Variants in CTNND1 observed in about 807,000 individuals in gnomAD.
The protein encoded by CTNND1 is catenin delta-1.
CTNND1 carries 16 observed loss-of-function variants against 112.1 expected under a neutral mutation model. That is an observed-to-expected ratio of 0.14 (90% CI 0.10 to 0.22). CTNND1 has a LOEUF of 0.22. CTNND1 is among the 10% of genes least tolerant of loss of function. The pLI, the probability that CTNND1 is intolerant of heterozygous loss-of-function variation, is 1.00. For synonymous variants in CTNND1, 420 were observed against 446.5 expected (o/e 0.94, Z 0.75); for missense variants, 1,008 against 1,257.0 (o/e 0.80, Z 3.00).
chr11:57,793,411 A>G (rs555935387), intron 3 of CTNND1, among the ~76,000 whole-genome samples: 58 of 152,214 alleles, frequency 3.8e-4, no homozygotes, highest in Non-Finnish European at 1.3e-4. Flanking sequence ...TTGTTTTTGT[A>G]CTTGGAAAGG....
chr11:57,805,975 A>T lies in CTNND1; in HGVS notation c.1816A>T (p.Asn606Tyr). 1 of 1,612,940 alleles carries T rather than the reference A, an allele frequency of 6.2e-7. No individual in the cohort carries two copies. Among genetic ancestry groups the T allele is most frequent in the Non-Finnish European group, 8.5e-7 (1 of 1,179,416 alleles). Reference protein sequence around the residue: ...QAERYQEAAPNVANNTGPHAA... With the variant: ...QAERYQEAAPYVANNTGPHAA... ...AGAGCGTTACCAAGAGGCAGCTCCCAATGTTGCCAACAATACTGGGCCACA... is the reference window on the plus strand; with the variant it reads ...AGAGCGTTACCAAGAGGCAGCTCCCTATGTTGCCAACAATACTGGGCCACA... Residue 606 changes from asparagine to tyrosine, a missense_variant, in exon 10 of 21, where the codon AAT (asparagine) becomes TAT (tyrosine). Asn to Tyr is a moderately radical substitution (Grantham distance 143). Coordinates refer to ENST00000399050, the MANE Select transcript of CTNND1 (RefSeq NM_001085458.2).
At position 57,789,109 on chromosome 11, in the gene CTNND1, G is replaced by T. The variant is rs1187422003; in HGVS notation, c.-141G>T. On this transcript the variant is annotated 5_prime_UTR_variant, in exon 2 of 21. Coordinates refer to ENST00000399050, the MANE Select transcript of CTNND1 (RefSeq NM_001085458.2). ...TCCATGATTTTTTGAATCTAGACTG[G>T]GCTGTTCTCTGTGTTAAACCAATCA... 2 of 1,535,492 alleles carry T rather than the reference G, an allele frequency of 1.3e-6. No homozygotes were observed. Among genetic ancestry groups the T allele is most frequent in the Non-Finnish European group, 1.7e-6 (2 of 1,146,882 alleles).
Position 57,815,396 on chromosome 11 carries a change from A to G in CTNND1, c.2704A>G (p.Asn902Asp), listed in dbSNP as rs1234734809. ...TGTACTTTTTTTTTTTTAACCAGAT[A>G]ACAACTATTCCACACCAAATGAGAG... ...NMGSNTKSLD[N>D]NYSTPNERGD... Residue 902 changes from asparagine to aspartate, a missense_variant and splice_region_variant, in exon 19 of 21, where the codon AAC (asparagine) becomes GAC (aspartate). Around this residue, in one of 5 missense-constraint regions of CTNND1, gnomAD observed 106 missense variants for 116.2 expected, o/e 0.91. Transcript: ENST00000399050. The G allele has an allele frequency of 1.3e-6, 2 of 1,574,740 alleles. No homozygotes were observed. The highest frequency in any genetic ancestry group is 4.5e-5 in the East Asian group (2 of 44,486).
At chr11:57,801,650 T>C (rs1162969368) in intron 6 of CTNND1, 83 bp from the exon 7 acceptor site, 37 of 1,118,454 alleles carry the variant, frequency 3.3e-5, no homozygotes, top group Non-Finnish European at 4.8e-5. Context: ...TAATCCTCCT[T>C]TGCAGATGAG....
chr11:57,780,412 C>G (rs964679256), intron 1 of CTNND1, among the ~76,000 whole-genome samples: 1 of 152,092 alleles, frequency 6.6e-6, no homozygotes. Context: ...TCCACTTTAT[C>G]AAGAAGGAGC....
At chr11:57,806,748 T>G (rs1376640368) in intron 11 of CTNND1, 167 bp from the exon 12 acceptor site, 1 of 647,956 alleles carries the variant, frequency 1.5e-6, no homozygotes, top group African/African-American at 1.8e-5. Flanking sequence ...CTATCCTTGT[T>G]TCTGAATAGT....
intron 1 of CTNND1, among the ~76,000 whole-genome samples, chr11:57,775,956 C>T (rs1041036692): frequency 6.6e-6 from 1 of 152,136 alleles, no homozygotes; most frequent in African/African-American, 2.4e-5. Flanking sequence ...TTATATACAC[C>T]TCCCTTGTAT....
intron 1 of CTNND1, among the ~76,000 whole-genome samples, chr11:57,782,148 G>A (rs1021892451): frequency 2.6e-5 from 4 of 152,036 alleles, no homozygotes; most frequent in African/African-American, 9.7e-5. Context: ...GAGGTTGCCA[G>A]CTCAAATTCC....
intron 6 of CTNND1, among the ~76,000 whole-genome samples, chr11:57,799,450 C>A (rs1220818568): frequency 6.6e-6 from 1 of 152,160 alleles, no homozygotes; most frequent in Non-Finnish European, 1.5e-5. Context: ...GACTTGGAAA[C>A]CTGCTTGACT....
intron 7 of CTNND1, 143 bp from the exon 8 acceptor site, chr11:57,803,478 G>A: frequency 3.8e-6 from 2 of 528,446 alleles, no homozygotes; most frequent in South Asian, 3.5e-5. Flanking sequence ...GGTGAGGGTC[G>A]CAAACAAAGC....
chr11:57,768,945 C>T (rs538655093), intron 1 of CTNND1, among the ~76,000 whole-genome samples: 13 of 152,032 alleles, frequency 8.6e-5, no homozygotes, highest in Non-Finnish European at 1.9e-4. Context: ...ACCCATGAAA[C>T]TAGTGTTCTA....
chr11:57,803,756 G>T lies in CTNND1; in HGVS notation c.1556G>T (p.Arg519Leu). 1 of 1,612,432 alleles carries T rather than the reference G, an allele frequency of 6.2e-7. No homozygotes were observed. The highest frequency in any genetic ancestry group is 8.5e-7 in the Non-Finnish European group (1 of 1,179,202). ...GAACCTAATGAAGACTGTAAGCCAC[G>T]CCACATTGAGTGGGAATCGGTGCTC... ...EREPNEDCKP[R>L]HIEWESVLTN... The change falls in exon 8 of 21, where the codon CGC becomes CTC. Residue 519 changes from arginine to leucine, a missense_variant. Coordinates refer to ENST00000399050, the MANE Select transcript of CTNND1 (RefSeq NM_001085458.2).
Position 57,802,180 on chromosome 11 carries a change from T to A in CTNND1, c.1404T>A (p.Leu468=). The A allele has an allele frequency of 6.2e-7, 1 of 1,611,536 alleles. No individual in the cohort carries two copies. The highest frequency in any genetic ancestry group is 1.1e-5 in the South Asian group (1 of 90,824). The change falls in exon 7 of 21, where the codon CTT becomes CTA. Residue 468 remains leucine (L), a synonymous_variant. Coordinates refer to ENST00000399050, the MANE Select transcript of CTNND1 (RefSeq NM_001085458.2). ...RLLRKARDMD[L]TEVITGTLWN... ...TTCGAAAGGCTCGTGATATGGACCT[T>A]ACTGAAGTTATTACCGGTGAGTTCT... is the stretch of plus-strand genomic sequence containing the variant.
At position 57,773,713 on chromosome 11, in the gene CTNND1, G is replaced by T. The variant is rs990509332; in HGVS notation, c.-214+11594G>T. On this transcript the variant is annotated intron_variant, in intron 1 of 20. Transcript: ENST00000399050. ...GCACTTTGGGAAGCTGAGGTGGGCG[G>T]ATCGCTTGAGGTCAGGAGTTAGAGA... Among the ~76,000 whole-genome samples the T allele has an allele frequency of 4.0e-4, 60 of 151,478 alleles. No homozygotes were observed. In the East Asian group the frequency reaches 5.2e-3, roughly 13 times the overall value.
chr11:57,812,808 G>C lies in CTNND1; in HGVS notation c.2638+1322G>C, dbSNP rs187583625. On this transcript the variant is annotated intron_variant, in intron 17 of 20. Coordinates refer to ENST00000399050, the MANE Select transcript of CTNND1 (RefSeq NM_001085458.2). Reference sequence around the variant, plus strand: ...TTACATCCGGCGCTCAGCCACACTAGCCACTTTGTTTAATGGAACACTGTT... The same window carrying C: ...TTACATCCGGCGCTCAGCCACACTACCCACTTTGTTTAATGGAACACTGTT... Among the ~76,000 whole-genome samples, 80 of 152,262 alleles carry C rather than the reference G, an allele frequency of 5.3e-4. No homozygotes were observed. The East Asian group carries it at 0.012, about 22-fold the overall frequency.
At chr11:57,763,610 AAAAG>A (rs1351505636) in intron 1 of CTNND1, among the ~76,000 whole-genome samples, 1 of 152,272 alleles carries the variant, frequency 6.6e-6, no homozygotes, top group Non-Finnish European at 1.5e-5. Flanking sequence ...AGTACAGTTA[AAAAG>A]AAAGAAAAAA....
At chr11:57,782,324 C>T (rs1454207407) in intron 1 of CTNND1, among the ~76,000 whole-genome samples, 1 of 152,092 alleles carries the variant, frequency 6.6e-6, no homozygotes, top group East Asian at 1.9e-4. Context: ...CTAGTTTTTC[C>T]TCATGAAAAT....
chr11:57,787,821 T>C (rs1039400866), intron 1 of CTNND1, among the ~76,000 whole-genome samples: 3 of 152,238 alleles, frequency 2.0e-5, no homozygotes, highest in Non-Finnish European at 2.9e-5. Context: ...TAGAGCCAGG[T>C]GGTCAGCTTT....
intron 1 of CTNND1, among the ~76,000 whole-genome samples, chr11:57,783,804 G>C (rs1380015636): frequency 6.6e-6 from 1 of 152,172 alleles, no homozygotes; most frequent in Non-Finnish European, 1.5e-5. Flanking sequence ...TGCCTTTTAG[G>C]TATCTGAAGG....
Sources: gnomAD v4.1 joint callset for allele counts (sites outside exome capture counted in the v4.1 genomes callset) on GRCh38, gnomAD v4.1.1 for gene constraint, gnomAD v4.1.1 regional missense constraint, MANE v1.5 for transcripts, NCBI Gene and HGNC (gene_info 2026-07-23, HGNC 2026-07-21) for gene names.